The following ESRRG variants were observed in gnomAD, a reference collection of about 807,000 sequenced individuals.
The protein encoded by ESRRG is estrogen related receptor gamma.
In ESRRG, 13 loss-of-function variants were observed where a neutral mutation model predicts 44.0. That is an observed-to-expected ratio of 0.30 (90% CI 0.19 to 0.47). The LOEUF (loss-of-function observed/expected upper bound fraction) is 0.47, where lower values mean the gene tolerates loss of function less well. Ranked by LOEUF, ESRRG falls within the 20% of genes least tolerant of loss-of-function variation. The pLI is 1.00. For missense variants in ESRRG, 395 were observed against 580.6 expected (o/e 0.68, Z 3.29); for synonymous variants, 215 against 214.6 (o/e 1.00, Z -0.02).
intron 3 of ESRRG, among the ~76,000 whole-genome samples, chr1:216,568,977 C>A (rs2060181069): frequency 6.6e-6 from 1 of 151,838 alleles, no homozygotes; most frequent in Non-Finnish European, 1.5e-5. Flanking sequence ...TCGCTTGAAC[C>A]CGGGAGGCGG....
intron 1 of ESRRG, among the ~76,000 whole-genome samples, chr1:216,707,655 A>T (rs1403942948): frequency 6.6e-6 from 1 of 152,198 alleles, no homozygotes; most frequent in Non-Finnish European, 1.5e-5. Context: ...ATGCATTCAC[A>T]TATTTTTATC....
At chr1:217,041,165 A>T (rs890939458) in intron 1 of ESRRG, among the ~76,000 whole-genome samples, 1 of 152,162 alleles carries the variant, frequency 6.6e-6, no homozygotes, top group Non-Finnish European at 1.5e-5. Flanking sequence ...TCATAAAAAA[A>T]CACGAAATCA....
At chr1:216,546,140 T>C (rs2149327716) in intron 5 of ESRRG, among the ~76,000 whole-genome samples, 1 of 152,164 alleles carries the variant, frequency 6.6e-6, no homozygotes, top group East Asian at 1.9e-4. Context: ...AGGTAGGCTA[T>C]TTAGCGGCAG....
intron 6 of ESRRG, among the ~76,000 whole-genome samples, chr1:216,508,025 C>T (rs961048073): frequency 2.0e-5 from 3 of 152,142 alleles, no homozygotes; most frequent in Non-Finnish European, 2.9e-5. Context: ...TCATTTAGCA[C>T]GTTTTATTGA....
At chr1:216,912,189 AGGAGAGGAGAGGAGAGGAGAGG>A (rs2060509062) in intron 2 of ESRRG, among the ~76,000 whole-genome samples, 6 of 41,108 alleles carry the variant, frequency 1.5e-4, no homozygotes, top group African/African-American at 7.0e-4. Context: ...AGAAAAGGAG[AGGAGAGGAGAGGAGAGGAGAGG>A]AGAGGAGAGG....
At chr1:216,757,312 C>T (rs1030065368) in intron 2 of ESRRG, among the ~76,000 whole-genome samples, 3 of 151,974 alleles carry the variant, frequency 2.0e-5, no homozygotes, top group African/African-American at 7.2e-5. Context: ...AGACTGACAA[C>T]CTCTACTTAG....
At chr1:217,016,903 T>A (rs186507944) in intron 1 of ESRRG, among the ~76,000 whole-genome samples, 183 of 152,294 alleles carry the variant, frequency 1.2e-3, no homozygotes, top group Non-Finnish European at 1.9e-3. Context: ...TCCATACAGT[T>A]TATCCTCATG....
At chr1:217,115,255 T>G (rs2092709054) in intron 1 of ESRRG, among the ~76,000 whole-genome samples, 1 of 152,206 alleles carries the variant, frequency 6.6e-6, no homozygotes, top group Non-Finnish European at 1.5e-5. Context: ...TTTATCTTTC[T>G]TCTTTGGATC....
chr1:216,569,111 A>AGGAAGGAAGGAAG (rs1553355981), intron 3 of ESRRG, among the ~76,000 whole-genome samples: 18 of 104,458 alleles, frequency 1.7e-4, no homozygotes, highest in African/African-American at 3.5e-4. Context: ...GAAGGAAGGA[A>AGGAAGGAAGGAAG]GAAGGAAGGA....
At chr1:216,707,220 T>C (rs979765525) in intron 1 of ESRRG, 3 of 924,706 alleles carry the variant, frequency 3.2e-6, no homozygotes, top group African/African-American at 3.3e-5. Flanking sequence ...CTGTCTTACA[T>C]GATCTTTAAA....
At chr1:216,741,059 CTCTT>C (rs973669485) in intron 2 of ESRRG, among the ~76,000 whole-genome samples, 1 of 151,584 alleles carries the variant, frequency 6.6e-6, no homozygotes, top group Non-Finnish European at 1.5e-5. Context: ...TCCCCCCTCT[CTCTT>C]CTTTCACGCC....
intron 1 of ESRRG, among the ~76,000 whole-genome samples, chr1:216,699,106 C>T (rs543685917): frequency 2.9e-4 from 44 of 152,332 alleles, no homozygotes; most frequent in Admixed American, 1.0e-3. Flanking sequence ...ATCAAATATG[C>T]TGTCACATTT....
chr1:216,988,915 T>C (rs2075274550), intron 1 of ESRRG, among the ~76,000 whole-genome samples: 2 of 152,210 alleles, frequency 1.3e-5, no homozygotes, highest in African/African-American at 4.8e-5. Context: ...TGTTTTGAAG[T>C]ACTTCAAGTT....
intron 3 of ESRRG, among the ~76,000 whole-genome samples, chr1:216,598,356 G>A (rs2058730700): frequency 6.6e-6 from 1 of 152,082 alleles, no homozygotes; most frequent in Non-Finnish European, 1.5e-5. Flanking sequence ...AAATAGATGT[G>A]GCATTTGTGG....
chr1:216,934,262 C>T (rs1174477699), intron 2 of ESRRG, among the ~76,000 whole-genome samples: 7 of 151,992 alleles, frequency 4.6e-5, no homozygotes, highest in South Asian at 2.1e-4. Context: ...GGCGAAACCC[C>T]GTCTCTACTA....
intron 1 of ESRRG, among the ~76,000 whole-genome samples, chr1:217,072,170 T>C (rs1330696792): frequency 5.3e-5 from 8 of 152,232 alleles, no homozygotes; most frequent in Non-Finnish European, 8.8e-5. Context: ...CCAGTGCTCA[T>C]CTGCAGTATG....
At chr1:216,583,044 G>GAA (rs66788317) in intron 3 of ESRRG, among the ~76,000 whole-genome samples, 53 of 147,702 alleles carry the variant, frequency 3.6e-4, no homozygotes, top group Admixed American at 8.1e-4. Flanking sequence ...AGTGTTTGAA[G>GAA]AAAAAAAAAA....
chr1:216,518,737 C>T (rs531326823), intron 6 of ESRRG, among the ~76,000 whole-genome samples: 240 of 152,262 alleles, frequency 1.6e-3, no homozygotes, highest in Admixed American at 6.5e-3. Flanking sequence ...CAAAGCAACA[C>T]TAAATATATT....
intron 1 of ESRRG, among the ~76,000 whole-genome samples, chr1:216,698,995 C>T (rs965296525): frequency 6.6e-6 from 1 of 152,210 alleles, no homozygotes; most frequent in African/African-American, 2.4e-5. Context: ...ATTCATTCAT[C>T]TATCTTTCTA....
Sources: allele counts gnomAD v4.1 joint callset (sites outside exome capture counted in the v4.1 genomes callset), GRCh38; gene constraint gnomAD v4.1.1; transcripts MANE v1.5; gene names NCBI Gene and HGNC (gene_info 2026-07-23, HGNC 2026-07-21).